The following CHODL variants were observed in gnomAD, a reference collection of about 807,000 sequenced individuals.
The protein encoded by CHODL is chondrolectin.
In CHODL, 29 loss-of-function variants were observed where a neutral mutation model predicts 34.5. The observed-to-expected ratio is 0.84, with a 90% CI of 0.63 to 1.15. CHODL has a LOEUF of 1.15. Among genes scored for constraint, CHODL ranks in the 50% most tolerant of loss-of-function variants. The probability of loss-of-function intolerance (pLI) is 0.00; values close to 1 mark genes in which losing one functional copy is unlikely to be tolerated. For missense variants in CHODL, 332 were observed against 332.5 expected (o/e 1.00, Z 0.01); for synonymous variants, 125 against 116.1 (o/e 1.08, Z -0.49).
At chr21:18,034,526 TTTC>T (rs2064287061) in intron 2 of CHODL, 1 of 151,980 alleles carries the variant, frequency 6.6e-6, no homozygotes, top group Non-Finnish European at 1.5e-5. Flanking sequence ...GTACCTGCAT[TTTC>T]TTCATGTCAT....
rs2074244011 is a variant in CHODL, at chr21:18,251,518, AATATTTATTTTATTTATTATTTTAATAT to A, written c.80-4987_80-4960del. 2.0e-5 allele frequency among the ~76,000 whole-genome samples: 2 copies of A among 97,964 alleles called. 1 individual carries two copies. The highest frequency in any genetic ancestry group is 1.0e-4 in the African/African-American group (2 of 19,328). The allele number at this position is 97,964 out of a possible 152,430, so 64.3% of individuals were successfully genotyped here. A position where few individuals can be genotyped will look rare whatever the true frequency, so the allele number is the denominator to read the frequency against. On this transcript the variant is annotated intron_variant, in intron 1 of 5. Transcript: ENST00000299295. ...AATAAATATTTATTTTAATATATAA[AATATTTATTTTATTTATTATTTTAATAT>A]ATAAATATTTATTTTATTTATTTAT...
chr21:18,171,736 G>GTTTTTTTTTTTTTTT (rs71189587), intron 2 of CHODL, among the ~76,000 whole-genome samples: 1 of 146,498 alleles, frequency 6.8e-6, no homozygotes, highest in Admixed American at 6.8e-5. Flanking sequence ...ATTCTCTTCA[G>GTTTTTTTTTTTTTTT]TTTTTTTTTT....
intron 1 of CHODL, among the ~76,000 whole-genome samples, chr21:17,929,278 C>G (rs1159143307): frequency 6.6e-6 from 1 of 152,138 alleles, no homozygotes; most frequent in African/African-American, 2.4e-5. Flanking sequence ...TTCATCAATT[C>G]TAAACTAGAT....
chr21:18,239,596 T>C (rs1306721020), intron 2 of CHODL, among the ~76,000 whole-genome samples: 1 of 151,438 alleles, frequency 6.6e-6, no homozygotes, highest in African/African-American at 2.4e-5. Context: ...ATATTTTACA[T>C]TTTTTTAGGT....
chr21:18,010,743 CTT>C (rs1246380449), intron 1 of CHODL, among the ~76,000 whole-genome samples: 1 of 152,174 alleles, frequency 6.6e-6, no homozygotes, highest in Non-Finnish European at 1.5e-5. Context: ...TAAAAACAAA[CTT>C]GAGTTTTTAG....
rs2064978724 is a variant in CHODL at position 18,084,428 on chromosome 21, GC to G, written c.-45+56458del. On this transcript the variant is annotated intron_variant, in intron 2 of 6. Coordinates refer to the CHODL transcript ENST00000400127. The stretch of plus-strand genomic sequence containing the variant: ...TGCTAAAAACGTCCCTTTTAGCACT[GC>G]TTTTGCTGTATCCCACAGGTGTTGG... 2.0e-5 allele frequency among the ~76,000 whole-genome samples: 3 copies of G among 152,072 alleles called. No individual in the cohort carries two copies. The South Asian group carries it at 6.2e-4, about 31-fold the overall frequency.
chr21:18,189,072 A>G (rs2073479150), intron 2 of CHODL, among the ~76,000 whole-genome samples: 1 of 152,194 alleles, frequency 6.6e-6, no homozygotes, highest in East Asian at 1.9e-4. Context: ...TGTCAGGCAT[A>G]CAAGTGTGAG....
intron 2 of CHODL, among the ~76,000 whole-genome samples, chr21:18,204,096 A>T (rs1469143621): frequency 6.6e-6 from 1 of 152,132 alleles, no homozygotes; most frequent in Non-Finnish European, 1.5e-5. Context: ...AGTAAAACAC[A>T]TTTCTATTAA....
At chr21:18,225,616 A>G (rs2146746409) in intron 2 of CHODL, among the ~76,000 whole-genome samples, 1 of 152,278 alleles carries the variant, frequency 6.6e-6, no homozygotes, top group South Asian at 2.1e-4. Flanking sequence ...AGACAACATA[A>G]AAAACTTTAT....
intron 2 of CHODL, among the ~76,000 whole-genome samples, chr21:18,081,269 A>G (rs951207291): frequency 1.3e-5 from 2 of 152,168 alleles, no homozygotes; most frequent in African/African-American, 2.4e-5. Context: ...AAGATCATAT[A>G]TCATCAGTGA....
intron 2 of CHODL, among the ~76,000 whole-genome samples, chr21:18,092,580 C>G (rs981096689): frequency 6.6e-6 from 1 of 152,062 alleles, no homozygotes; most frequent in African/African-American, 2.4e-5. Flanking sequence ...GAAGATAACA[C>G]AGAAAATGAA....
chr21:18,236,071 G>C (rs769029688), intron 2 of CHODL, among the ~76,000 whole-genome samples: 2 of 152,072 alleles, frequency 1.3e-5, no homozygotes, highest in Admixed American at 6.6e-5. Flanking sequence ...GCCCAGGACT[G>C]GGTAATTTAC....
chr21:18,136,105 C>CAAAAAAAA (rs67552520), intron 2 of CHODL, among the ~76,000 whole-genome samples: 14 of 89,472 alleles, frequency 1.6e-4, no homozygotes, highest in Non-Finnish European at 2.3e-4. Context: ...GATTATGTCT[C>CAAAAAAAA]AAAAAAAAAA....
chr21:18,158,030 G>A (rs535810744), intron 2 of CHODL, among the ~76,000 whole-genome samples: 10 of 147,248 alleles, frequency 6.8e-5, no homozygotes, highest in Admixed American at 6.8e-5. Flanking sequence ...GTTTTATAGC[G>A]TGCTTTGAGG....
intron 1 of CHODL, among the ~76,000 whole-genome samples, chr21:17,994,125 C>CAG (rs1330783702): frequency 2.8e-5 from 4 of 141,558 alleles, no homozygotes; most frequent in African/African-American, 8.0e-5. Context: ...CTGATCTTTA[C>CAG]TATTTGTTTT....
chr21:18,122,929 T>C (rs1261450757), intron 2 of CHODL, among the ~76,000 whole-genome samples: 1 of 152,244 alleles, frequency 6.6e-6, no homozygotes, highest in East Asian at 1.9e-4. Flanking sequence ...CATCAGTTTA[T>C]GTTTGTGTAC....
intron 1 of CHODL, among the ~76,000 whole-genome samples, chr21:18,015,378 C>T (rs1216706682): frequency 2.6e-5 from 4 of 152,156 alleles, no homozygotes; most frequent in African/African-American, 4.8e-5. Context: ...CGTAGGTTTT[C>T]TGAGGCCTCC....
At chr21:18,176,093 C>T (rs1416654152) in intron 2 of CHODL, among the ~76,000 whole-genome samples, 2 of 151,900 alleles carry the variant, frequency 1.3e-5, no homozygotes, top group African/African-American at 2.4e-5. Flanking sequence ...AAAGACATGC[C>T]GGTTATATTT....
intron 2 of CHODL, among the ~76,000 whole-genome samples, chr21:18,207,484 A>G (rs2073724950): frequency 6.6e-6 from 1 of 152,134 alleles, no homozygotes; most frequent in South Asian, 2.1e-4. Context: ...AGATATGATT[A>G]GTTTACATAT....
Sources: allele counts gnomAD v4.1 joint callset (sites outside exome capture counted in the v4.1 genomes callset), GRCh38; gene constraint gnomAD v4.1.1; transcripts MANE v1.5; gene names NCBI Gene and HGNC (gene_info 2026-07-23, HGNC 2026-07-21).